Variants in NME7 observed in about 807,000 individuals in gnomAD.
NME7 encodes nucleoside diphosphate kinase 7.
Under a neutral mutation model 49.1 loss-of-function variants are expected in NME7, and 41 were observed. That is an observed-to-expected ratio of 0.83 (90% CI 0.65 to 1.08). The LOEUF is 1.08. NME7 is among the 50% of genes least tolerant of loss of function. NME7 has a pLI of 0.00. For missense variants in NME7, 423 were observed against 463.4 expected (o/e 0.91, Z 0.80); for synonymous variants, 139 against 150.6 (o/e 0.92, Z 0.56).
At chr1:169,231,040 G>A (rs1176377454) in intron 9 of NME7, among the ~76,000 whole-genome samples, 1 of 151,944 alleles carries the variant, frequency 6.6e-6, no homozygotes, top group Admixed American at 6.6e-5. Flanking sequence ...TTAATATAAT[G>A]CTTTATCATC....
At chr1:169,364,774 AT>A (rs1474842804) in intron 1 of NME7, among the ~76,000 whole-genome samples, 1 of 152,226 alleles carries the variant, frequency 6.6e-6, no homozygotes, top group Non-Finnish European at 1.5e-5. Flanking sequence ...AAGGATGGTA[AT>A]AGTCCCTTCC....
intron 1 of NME7, among the ~76,000 whole-genome samples, chr1:169,340,592 A>T (rs1196771991): frequency 6.6e-6 from 1 of 152,230 alleles, no homozygotes; most frequent in African/African-American, 2.4e-5. Context: ...TCAGAAGAAA[A>T]GAAGATGTGG....
chr1:169,171,364 CCT>C (rs1197735072), intron 10 of NME7, among the ~76,000 whole-genome samples: 1 of 151,712 alleles, frequency 6.6e-6, no homozygotes, highest in African/African-American at 2.4e-5. Flanking sequence ...AGAGTAGGAC[CCT>C]GTCTCAAAAA....
intron 10 of NME7, among the ~76,000 whole-genome samples, chr1:169,194,678 A>G (rs995207780): frequency 6.6e-6 from 1 of 152,324 alleles, no homozygotes; most frequent in East Asian, 1.9e-4. Flanking sequence ...ATAAAAGTCA[A>G]TTAAGATCTT....
At chr1:169,334,999 C>A (rs1461636421) in intron 1 of NME7, among the ~76,000 whole-genome samples, 1 of 152,024 alleles carries the variant, frequency 6.6e-6, no homozygotes, top group Non-Finnish European at 1.5e-5. Flanking sequence ...AAATGCAAAT[C>A]CAAACCACAA....
intron 10 of NME7, among the ~76,000 whole-genome samples, chr1:169,208,259 C>T (rs1264797324): frequency 6.6e-6 from 1 of 152,148 alleles, no homozygotes; most frequent in Non-Finnish European, 1.5e-5. Context: ...ATAAATTCCT[C>T]TGGCTCAGCA....
Position 169,238,494 on chromosome 1 carries a change from C to CACAT in NME7, c.755-808_755-807insATGT, listed in dbSNP as rs1553249023. 3.5e-4 allele frequency among the ~76,000 whole-genome samples: 53 copies of CACAT among 150,362 alleles called. 1 individual carries two copies. The highest frequency in any genetic ancestry group is 3.3e-4 in the Admixed American group (5 of 15,092). On this transcript the variant is annotated intron_variant, in intron 7 of 11. Transcript: ENST00000367811. ...GCACAAAGGCACACACACACACACA[C>CACAT]ACACACACACACACACACACACCAT...
intron 5 of NME7, among the ~76,000 whole-genome samples, chr1:169,301,053 A>G (rs1650916442): frequency 6.6e-6 from 1 of 152,202 alleles, no homozygotes; most frequent in East Asian, 1.9e-4. Flanking sequence ...AGTCCTCAAA[A>G]GTAATGGCAA....
chr1:169,325,829 T>A (rs1557822884), intron 1 of NME7, among the ~76,000 whole-genome samples: 1 of 152,170 alleles, frequency 6.6e-6, no homozygotes, highest in Non-Finnish European at 1.5e-5. Context: ...AAAGACATAT[T>A]TAAACCATGC....
chr1:169,236,157 A>G (rs1014471739), intron 8 of NME7, among the ~76,000 whole-genome samples: 1 of 152,160 alleles, frequency 6.6e-6, no homozygotes, highest in Non-Finnish European at 1.5e-5. Flanking sequence ...ATGTTTTGCT[A>G]AATGCAACAA....
At chr1:169,314,681 G>A (rs1394527205) in intron 3 of NME7, among the ~76,000 whole-genome samples, 1 of 151,842 alleles carries the variant, frequency 6.6e-6, no homozygotes, top group East Asian at 1.9e-4. Flanking sequence ...TAGGTTGAAA[G>A]GTGCAGCAAA....
intron 7 of NME7, among the ~76,000 whole-genome samples, chr1:169,273,479 A>G (rs1325238981): frequency 7.7e-6 from 1 of 130,188 alleles, no homozygotes; most frequent in African/African-American, 2.6e-5. Context: ...TTATTATTAT[A>G]CTTTAAGTTT....
chr1:169,200,615 C>T lies in NME7; in HGVS notation c.990+30103G>A, dbSNP rs999318074. ...TCTTACAATCTGGATCAATATTCCC[C>T]TGCCCTAATTTCCTCAGGGACAGGG... On this transcript the variant is annotated intron_variant, in intron 10 of 11. Transcript: ENST00000367811. Among the ~76,000 whole-genome samples the T allele has an allele frequency of 1.2e-4, 19 of 152,226 alleles. No individual in the cohort carries two copies. In the South Asian group the frequency reaches 3.3e-3, roughly 27 times the overall value.
In NME7 at chr1:169,230,803, A is replaced by C. The variant is rs1433817042; in HGVS notation, c.905T>G (p.Met302Arg). The change falls in exon 10 of 12, where the codon ATG becomes AGG. Residue 302 changes from methionine (M) to arginine (R), a missense_variant. Met to Arg is a moderately conservative substitution (Grantham distance 91). Coordinates refer to ENST00000367811, the MANE Select transcript of NME7 (RefSeq NM_013330.5). The stretch of plus-strand genomic sequence containing the variant: ...CATTGCTACACAAGGGCCAGAATAC[A>C]TTTCTGTCACCATGTCCTATGATAT... The part of the protein sequence containing the change: ...VTEYHDMVTE[M>R]YSGPCVAMEI... 6.3e-7 allele frequency: 1 copy of C among 1,598,476 alleles called. No individual in the cohort carries two copies. The highest frequency in any genetic ancestry group is 8.5e-7 in the Non-Finnish European group (1 of 1,172,446).
chr1:169,169,553 T>C lies in NME7; in HGVS notation c.992A>G (p.Glu331Gly). 2 of 1,613,490 alleles carry C rather than the reference T, an allele frequency of 1.2e-6. No individual in the cohort carries two copies. Among genetic ancestry groups the C allele is most frequent in the Non-Finnish European group, 1.7e-6 (2 of 1,179,516 alleles). Reference protein sequence around the residue: ...FREFCGPADPEIARHLRPGTL... With the variant: ...FREFCGPADPGIARHLRPGTL... ...TCCAGGGCGTAAATGCCGGGCAATT[T>C]CCTATTAAACATACATTCACATATA... The change falls in exon 11 of 12, where the codon GAA (glutamate) becomes GGA (glycine). Residue 331 changes from glutamate (E) to glycine (G), a missense_variant and splice_region_variant. By Grantham distance (98) the Glu-to-Gly change is moderately conservative. Coordinates refer to ENST00000367811, the MANE Select transcript of NME7 (RefSeq NM_013330.5).
rs1322565628 is a variant in NME7, at chr1:169,247,050, G to GTCTAC, written c.755-9364_755-9363insGTAGA. 6 of 456,114 alleles carry GTCTAC rather than the reference G, an allele frequency of 1.3e-5. No individual in the cohort carries two copies. In the Middle Eastern group the frequency reaches 9.7e-4, roughly 74 times the overall value. 28.3% of individuals were successfully genotyped at this position (456,114 alleles called of 1,614,324 possible). On this transcript the variant is annotated intron_variant, in intron 7 of 11. Coordinates refer to ENST00000367811, the MANE Select transcript of NME7 (RefSeq NM_013330.5). ...GATTTCCAGGAAAGAGTAGTCAGGG[G>GTCTAC]TTCCTCCTCACTGTGAAGAAAGACA... is the stretch of plus-strand genomic sequence containing the variant.
intron 1 of NME7, among the ~76,000 whole-genome samples, chr1:169,338,072 AT>A (rs2101957307): frequency 6.6e-6 from 1 of 152,374 alleles, no homozygotes; most frequent in Non-Finnish European, 1.5e-5. Flanking sequence ...TTTCTCATTA[AT>A]AAAGGAAAAC....
intron 11 of NME7, among the ~76,000 whole-genome samples, chr1:169,143,207 A>G (rs1658651805): frequency 6.7e-6 from 1 of 149,524 alleles, no homozygotes; most frequent in East Asian, 2.0e-4. Flanking sequence ...ATAAAGATCC[A>G]TATTCTTAAA....
chr1:169,143,226 C>A (rs1571239597), intron 11 of NME7, among the ~76,000 whole-genome samples: 3 of 150,198 alleles, frequency 2.0e-5, no homozygotes, highest in African/African-American at 7.3e-5. Context: ...AAATAGCCCA[C>A]AAAGCCCTGC....
Sources: gnomAD v4.1 joint callset for allele counts (sites outside exome capture counted in the v4.1 genomes callset) on GRCh38, gnomAD v4.1.1 for gene constraint, MANE v1.5 for transcripts, NCBI Gene and HGNC (gene_info 2026-07-23, HGNC 2026-07-21) for gene names.